IL36B: variants seen among roughly 807,000 people sequenced by gnomAD.
IL36B encodes the protein interleukin-36 beta.
A neutral mutation model predicts 19.3 loss-of-function variants in IL36B; 23 were observed. The observed-to-expected ratio is 1.19, with a 90% CI of 0.86 to 1.69. The LOEUF is 1.69. Among genes scored for constraint, IL36B ranks in the 40% most tolerant of loss-of-function variants. IL36B has a pLI of 0.00. For missense variants in IL36B, 217 were observed against 200.5 expected, an observed-to-expected ratio of 1.08 and a Z score of -0.50; for synonymous variants, 59 against 59.7, an observed-to-expected ratio of 0.99 and a Z score of 0.05.
intron 1 of IL36B, among the ~76,000 whole-genome samples, chr2:113,036,588 T>A (rs1573371904): frequency 6.6e-6 from 1 of 152,282 alleles, no homozygotes; most frequent in East Asian, 1.9e-4. Flanking sequence ...GGTGACAAAG[T>A]CAGTAATGAG....
chr2:113,044,908 G>T (rs1335315020), intron 1 of IL36B, among the ~76,000 whole-genome samples: 2 of 152,048 alleles, frequency 1.3e-5, no homozygotes, highest in East Asian at 3.9e-4. Context: ...TAGAATTACA[G>T]TATCCATCTT....
At chr2:113,037,031 C>A (rs1685177961) in intron 1 of IL36B, among the ~76,000 whole-genome samples, 1 of 152,228 alleles carries the variant, frequency 6.6e-6, no homozygotes, top group Non-Finnish European at 1.5e-5. Context: ...TTGAGGGAAC[C>A]TTGGCTCTGA....
intron 1 of IL36B, among the ~76,000 whole-genome samples, chr2:113,037,649 C>CAAAAA (rs558737151): frequency 1.5e-5 from 2 of 135,934 alleles, no homozygotes; most frequent in Admixed American, 7.4e-5. Flanking sequence ...AACTCTATCT[C>CAAAAA]AAAAAAAAAA....
chr2:113,026,006 T>A (rs967182642), intron 5 of IL36B: 4 of 1,512,700 alleles, frequency 2.6e-6, no homozygotes, highest in African/African-American at 2.8e-5. Context: ...TGGGTGATTA[T>A]GTCTCAATAC....
chr2:113,029,170 C>T (rs1278366341), intron 3 of IL36B, 92 bp from the exon 4 acceptor site: 28 of 1,310,486 alleles, frequency 2.1e-5, no homozygotes, highest in Non-Finnish European at 2.8e-5. Flanking sequence ...TGACAGGCTC[C>T]TCCCATTAGC....
At chr2:113,032,613 T>C (rs910783812) in intron 1 of IL36B, among the ~76,000 whole-genome samples, 4 of 152,176 alleles carry the variant, frequency 2.6e-5, no homozygotes, top group Non-Finnish European at 5.9e-5. Flanking sequence ...CACAGAGACA[T>C]GAAAGAAGTT....
intron 5 of IL36B, among the ~76,000 whole-genome samples, chr2:113,023,923 A>C (rs1454094888): frequency 1.3e-5 from 2 of 152,328 alleles, no homozygotes; most frequent in South Asian, 4.1e-4. Flanking sequence ...CCTAAGTGAG[A>C]GACAAAGATT....
chr2:113,035,072 A>T (rs1173108652), intron 1 of IL36B, among the ~76,000 whole-genome samples: 1 of 152,238 alleles, frequency 6.6e-6, no homozygotes, highest in Non-Finnish European at 1.5e-5. Flanking sequence ...CCAACTCAGA[A>T]CTTTTAGACA....
rs113009521 is a variant in IL36B at position 113,047,660 on chromosome 2, G to C, written c.-58+5157C>G. Among the ~76,000 whole-genome samples the C allele has an allele frequency of 2.0e-3, 309 of 152,314 alleles. 3 individuals are homozygous for C. Among genetic ancestry groups the C allele is most frequent in the African/African-American group, 7.0e-3 (289 of 41,566 alleles). ...TAAGGTTTTCCAGGCCAGACAGTGG[G>C]AACAGGTATTGTGACCTTTGAAATG... On this transcript the variant is annotated intron_variant, in intron 1 of 5. Coordinates refer to ENST00000259213, the MANE Select transcript of IL36B (RefSeq NM_014438.5).
chr2:113,038,880 A>T lies in IL36B; in HGVS notation c.-57-7114T>A, dbSNP rs187546159. ...ATCCTGGAGAGAGGCTGTCCTCTCA[A>T]TGCCTGATCTCCATCTATGCTTGTT... On this transcript the variant is annotated intron_variant, in intron 1 of 5. Transcript: ENST00000259213. 2.0e-3 allele frequency among the ~76,000 whole-genome samples: 306 copies of T among 152,338 alleles called. 1 individual carries two copies. Among genetic ancestry groups the T allele is most frequent in the African/African-American group, 7.0e-3 (292 of 41,576 alleles).
chr2:113,040,294 C>T (rs753717772), intron 1 of IL36B, among the ~76,000 whole-genome samples: 2 of 152,194 alleles, frequency 1.3e-5, no homozygotes, highest in Admixed American at 6.5e-5. Context: ...AAAAAGTCTA[C>T]AGCTCATACT....
intron 1 of IL36B, among the ~76,000 whole-genome samples, chr2:113,043,559 G>A (rs187260852): frequency 5.3e-5 from 8 of 152,156 alleles, no homozygotes; most frequent in Admixed American, 1.3e-4. Flanking sequence ...TCCACTGATT[G>A]TATTTGTTGT....
At chr2:113,049,145 C>T (rs1263448483) in intron 1 of IL36B, among the ~76,000 whole-genome samples, 1 of 152,176 alleles carries the variant, frequency 6.6e-6, no homozygotes, top group East Asian at 1.9e-4. Context: ...AAAACATCAA[C>T]TCAAAATGAA....
chr2:113,045,060 C>G (rs1255843033), intron 1 of IL36B, among the ~76,000 whole-genome samples: 1 of 151,962 alleles, frequency 6.6e-6, no homozygotes, highest in Non-Finnish European at 1.5e-5. Context: ...AAATAATTAT[C>G]TTTTAAAGGG....
intron 5 of IL36B, among the ~76,000 whole-genome samples, chr2:113,023,255 G>A (rs928743352): frequency 6.6e-6 from 1 of 152,172 alleles, no homozygotes; most frequent in African/African-American, 2.4e-5. Context: ...GAACAGCATA[G>A]GTGCTCAAAA....
chr2:113,024,315 C>G (rs995612324), intron 5 of IL36B, among the ~76,000 whole-genome samples: 4 of 152,186 alleles, frequency 2.6e-5, no homozygotes, highest in African/African-American at 9.7e-5. Flanking sequence ...GCTTCAGAGA[C>G]TGGAACAGGG....
chr2:113,036,491 T>C (rs544837963), intron 1 of IL36B, among the ~76,000 whole-genome samples: 2 of 152,228 alleles, frequency 1.3e-5, no homozygotes, highest in Admixed American at 1.3e-4. Flanking sequence ...AAATATCTGA[T>C]GAATGCAGCT....
chr2:113,033,036 C>T (rs1685107687), intron 1 of IL36B, among the ~76,000 whole-genome samples: 1 of 152,192 alleles, frequency 6.6e-6, no homozygotes, highest in Non-Finnish European at 1.5e-5. Context: ...AGAGGTGTGG[C>T]TCTCTTGACC....
Position 113,042,073 on chromosome 2 carries a change from C to A in IL36B, c.-57-10307G>T, listed in dbSNP as rs371623326. Among the ~76,000 whole-genome samples the A allele has an allele frequency of 1.8e-3, 272 of 152,256 alleles. 3 individuals are homozygous for A. The highest frequency in any genetic ancestry group is 5.9e-3 in the African/African-American group (246 of 41,544). On this transcript the variant is annotated intron_variant, in intron 1 of 5. Transcript: ENST00000259213. The stretch of plus-strand genomic sequence containing the variant: ...CAGGACTTCACCTCATAAGGACAAC[C>A]ACTAGGAGGTGCCTCTGACACCAGC...
Sources: allele counts gnomAD v4.1 joint callset (sites outside exome capture counted in the v4.1 genomes callset), GRCh38; gene constraint gnomAD v4.1.1; transcripts MANE v1.5; gene names NCBI Gene and HGNC (gene_info 2026-07-23, HGNC 2026-07-21).